Variants in FTCDNL1 observed in about 807,000 individuals in gnomAD.
FTCDNL1 encodes formiminotransferase cyclodeaminase N-terminal like.
A neutral mutation model predicts 5.9 loss-of-function variants in FTCDNL1; 11 were observed. The ratio of observed to expected loss-of-function variants is 1.87; its 90% CI spans 1.18 to 3.10. The LOEUF is 3.10. Among genes scored for constraint, FTCDNL1 ranks in the 30% most tolerant of loss-of-function variants. The pLI is 0.00. For synonymous variants in FTCDNL1, 58 were observed against 24.8 expected (o/e 2.34, Z -3.99); for missense variants, 115 against 65.5 (o/e 1.76, Z -2.61).
chr2:199,752,855 TGAGA>T, the FTCDNL1 span, among the ~76,000 whole-genome samples: 9 of 107,368 alleles, frequency 8.4e-5, no homozygotes, highest in Admixed American at 3.7e-4. Flanking sequence ...AGACAGACAA[TGAGA>T]GAGAGAGAGA....
the FTCDNL1 span, among the ~76,000 whole-genome samples, chr2:199,730,531 G>C: frequency 2.0e-5 from 3 of 152,144 alleles, no homozygotes; most frequent in African/African-American, 7.2e-5. Flanking sequence ...AGTGGGCAAA[G>C]GATATGAACA....
At chr2:199,750,090 A>C in the FTCDNL1 span, among the ~76,000 whole-genome samples, 1 of 151,712 alleles carries the variant, frequency 6.6e-6, no homozygotes, top group Non-Finnish European at 1.5e-5. Context: ...GCAGTGGCTC[A>C]CATCTGTGAT....
At chr2:199,848,081 T>C (rs1324258012) in intron 2 of FTCDNL1, among the ~76,000 whole-genome samples, 2 of 152,238 alleles carry the variant, frequency 1.3e-5, no homozygotes, top group East Asian at 1.9e-4. Context: ...CAAAAAGTTA[T>C]TGATTTAATA....
At chr2:199,754,433 G>T in the FTCDNL1 span, among the ~76,000 whole-genome samples, 4 of 152,244 alleles carry the variant, frequency 2.6e-5, no homozygotes, top group East Asian at 7.7e-4. Context: ...TATCAGGGCT[G>T]GTGGCCCTGC....
chr2:199,788,537 T>C (rs913090301), intron 3 of FTCDNL1, among the ~76,000 whole-genome samples: 24 of 152,308 alleles, frequency 1.6e-4, no homozygotes, highest in Middle Eastern at 6.8e-3. Flanking sequence ...AAATCCTATA[T>C]GATACAGCAA....
chr2:199,730,167 GA>G, the FTCDNL1 span, among the ~76,000 whole-genome samples: 1 of 152,096 alleles, frequency 6.6e-6, no homozygotes, highest in Non-Finnish European at 1.5e-5. Context: ...ACTGAAACTG[GA>G]CCCCTTCCTT....
In FTCDNL1 at chr2:199,809,508, G is replaced by A. The variant is rs191829261; in HGVS notation, c.*3197C>T. Among the ~76,000 whole-genome samples the A allele has an allele frequency of 2.6e-5, 4 of 152,142 alleles. No homozygotes were observed. The East Asian group carries it at 7.7e-4, about 29-fold the overall frequency. On this transcript the variant is annotated 3_prime_UTR_variant, in exon 5 of 5. Transcript: ENST00000420128. ...AAAAATTCATTTCTCTGTGCTTTAT[G>A]GGGAGCATCTGATACTAGAACAATA...
At chr2:199,825,342 TAAGCCGTAC>T in intron 3 of FTCDNL1, among the ~76,000 whole-genome samples, 1 of 152,170 alleles carries the variant, frequency 6.6e-6, no homozygotes, top group African/African-American at 2.4e-5. Context: ...ATGAGCAAGG[TAAGCCGTAC>T]TAAAAGGCCA....
the FTCDNL1 span, among the ~76,000 whole-genome samples, chr2:199,711,530 T>C: frequency 1.3e-5 from 2 of 152,210 alleles, no homozygotes; most frequent in Non-Finnish European, 2.9e-5. Flanking sequence ...TATTGGGTTG[T>C]TATGGACCTA....
chr2:199,819,737 G>A lies in FTCDNL1; in HGVS notation c.232C>T (p.Leu78=), dbSNP rs1429108270. The A allele has an allele frequency of 4.3e-6, 3 of 701,910 alleles. No homozygotes were observed. In the Admixed American group the frequency reaches 6.0e-5, roughly 14 times the overall value. 43.5% of individuals were successfully genotyped at this position (701,910 alleles called of 1,614,324 possible). ...AACACGCTGCAGCCAGGAACATGCA[G>A]CACCAGATCCTCAGCAAGGCCTGTG... is the stretch of plus-strand genomic sequence containing the variant. The part of the protein sequence containing the change: ...DKLGLAEDLV[L]HVPGCSVFLF... Residue 78 remains leucine (L), a synonymous_variant, in exon 4 of 5, where the codon CTG becomes TTG. Transcript: ENST00000420128.
chr2:199,677,072 G>T, the FTCDNL1 span, among the ~76,000 whole-genome samples: 1 of 152,144 alleles, frequency 6.6e-6, no homozygotes, highest in African/African-American at 2.4e-5. Flanking sequence ...GAGTTACAGG[G>T]CCCTGGAGAA....
chr2:199,790,613 G>C (rs1469205129), intron 3 of FTCDNL1, among the ~76,000 whole-genome samples: 1 of 151,738 alleles, frequency 6.6e-6, no homozygotes, highest in Non-Finnish European at 1.5e-5. Context: ...TCAAATAAAT[G>C]CCTATTCAAA....
chr2:199,709,939 C>A, the FTCDNL1 span, among the ~76,000 whole-genome samples: 1 of 147,742 alleles, frequency 6.8e-6, no homozygotes, highest in Non-Finnish European at 1.5e-5. Context: ...ATCTCTTTTT[C>A]TATATTCAGT....
the FTCDNL1 span, among the ~76,000 whole-genome samples, chr2:199,710,822 C>A: frequency 6.6e-6 from 1 of 152,262 alleles, no homozygotes; most frequent in East Asian, 1.9e-4. Flanking sequence ...CAAAAATAGT[C>A]TCTTCCTGAG....
At chr2:199,787,555 T>G (rs923603568) in intron 3 of FTCDNL1, among the ~76,000 whole-genome samples, 1 of 152,142 alleles carries the variant, frequency 6.6e-6, no homozygotes, top group African/African-American at 2.4e-5. Flanking sequence ...ACATTGAGAC[T>G]TTCTGGGGAG....
At chr2:199,697,821 A>C in the FTCDNL1 span, among the ~76,000 whole-genome samples, 3 of 152,200 alleles carry the variant, frequency 2.0e-5, no homozygotes, top group South Asian at 4.1e-4. Context: ...CCCCCACTTA[A>C]AAGGCAAAGA....
the FTCDNL1 span, among the ~76,000 whole-genome samples, chr2:199,744,913 G>A: frequency 0.016 from 2,400 of 152,300 alleles, 56 homozygotes; most frequent in African/African-American, 0.054. Flanking sequence ...GAAAACGCCC[G>A]TTCCTCGCAA....
the FTCDNL1 span, among the ~76,000 whole-genome samples, chr2:199,672,083 A>C: frequency 1.3e-4 from 20 of 152,110 alleles, no homozygotes; most frequent in African/African-American, 4.6e-4. Flanking sequence ...TTGCCCTGGA[A>C]GACTACACTC....
chr2:199,669,517 C>T, the FTCDNL1 span, among the ~76,000 whole-genome samples: 2 of 152,250 alleles, frequency 1.3e-5, no homozygotes, highest in South Asian at 4.2e-4. Context: ...ATTATTTTAA[C>T]ATTTCAGGTT....
Sources: allele counts gnomAD v4.1 joint callset (sites outside exome capture counted in the v4.1 genomes callset), GRCh38; gene constraint gnomAD v4.1.1; transcripts MANE v1.5; gene names NCBI Gene and HGNC (gene_info 2026-07-23, HGNC 2026-07-21).